HMCN1: variants seen among roughly 807,000 people sequenced by gnomAD.
HMCN1 encodes hemicentin-1.
Under a neutral mutation model 625.9 loss-of-function variants are expected in HMCN1, and 321 were observed. The ratio of observed to expected loss-of-function variants is 0.51; its 90% CI spans 0.47 to 0.56. The LOEUF is 0.56. Ranked by LOEUF, HMCN1 falls within the 20% of genes least tolerant of loss-of-function variation. The pLI, the probability that HMCN1 is intolerant of heterozygous loss-of-function variation, is 0.00. For synonymous variants in HMCN1, 2,425 were observed against 2,417.6 expected, an observed-to-expected ratio of 1.00 and a Z score of -0.09; for missense variants, 6,588 against 6,887.3, an observed-to-expected ratio of 0.96 and a Z score of 1.54.
At chr1:185,748,883 G>A (rs1425560339) in intron 1 of HMCN1, among the ~76,000 whole-genome samples, 1 of 152,206 alleles carries the variant, frequency 6.6e-6, no homozygotes, top group Non-Finnish European at 1.5e-5. Flanking sequence ...ACTTGACCTA[G>A]AGTCAAAACA....
Position 186,038,906 on chromosome 1 carries a change from G to C in HMCN1, c.5929G>C (p.Asp1977His). 6.2e-7 allele frequency: 1 copy of C among 1,603,874 alleles called. No homozygotes were observed. The highest frequency in any genetic ancestry group is 2.2e-5 in the East Asian group (1 of 44,794). Residue 1977 changes from aspartate to histidine, a missense_variant, in exon 38 of 107, where the codon GAT (aspartate) becomes CAT (histidine). Transcript: ENST00000271588. ...TTTCTTGAACAGAGGACAGATCATT[G>C]ATATTGAAAGTGCCCAGATCTCAGA... is the stretch of plus-strand genomic sequence containing the variant. The part of the protein sequence containing the change: ...MTFLNRGQII[D>H]IESAQISDAG...
intron 4 of HMCN1, among the ~76,000 whole-genome samples, chr1:185,868,512 C>T (rs1663414456): frequency 6.6e-6 from 1 of 152,086 alleles, no homozygotes; most frequent in Non-Finnish European, 1.5e-5. Flanking sequence ...TTATAAGGGG[C>T]CTTTCCCTGC....
chr1:185,778,591 C>T (rs532537491), intron 1 of HMCN1, among the ~76,000 whole-genome samples: 118 of 148,268 alleles, frequency 8.0e-4, no homozygotes, highest in African/African-American at 2.8e-3. Flanking sequence ...TGAGAATATG[C>T]GGTGTTTGGT....
intron 4 of HMCN1, among the ~76,000 whole-genome samples, chr1:185,874,481 T>C (rs1663812214): frequency 6.6e-6 from 1 of 152,016 alleles, no homozygotes; most frequent in Admixed American, 6.6e-5. Flanking sequence ...GGTTTCCTTA[T>C]GCATTCCAAG....
Position 186,087,297 on chromosome 1 carries a change from G to A in HMCN1, c.9127G>A (p.Glu3043Lys), listed in dbSNP as rs747230633. The A allele has an allele frequency of 2.7e-5, 44 of 1,613,024 alleles. No homozygotes were observed. The highest frequency in any genetic ancestry group is 1.0e-4 in the Admixed American group (6 of 59,874). The change falls in exon 59 of 107, where the codon GAA (glutamate) becomes AAA (lysine). Residue 3043 changes from glutamate to lysine, a missense_variant. By Grantham distance (56) the Glu-to-Lys change is moderately conservative (BLOSUM62 1). Coordinates refer to ENST00000271588, the MANE Select transcript of HMCN1 (RefSeq NM_031935.3). ...YTCIAINQAG[E>K]SKKKFSLTVY... Reference sequence around the variant, plus strand: ...TTGTATAGCTATCAATCAAGCTGGCGAAAGCAAGAAAAAGTTTTCCCTGAC... The same window carrying A: ...TTGTATAGCTATCAATCAAGCTGGCAAAAGCAAGAAAAAGTTTTCCCTGAC...
intron 4 of HMCN1, among the ~76,000 whole-genome samples, chr1:185,906,956 T>C (rs1571539855): frequency 7.6e-6 from 1 of 132,314 alleles, no homozygotes; most frequent in Non-Finnish European, 1.5e-5. Context: ...TTTCTATTTT[T>C]TTTTTTTTTT....
intron 1 of HMCN1, among the ~76,000 whole-genome samples, chr1:185,818,271 G>A (rs1404262207): frequency 6.6e-6 from 1 of 152,096 alleles, no homozygotes; most frequent in Non-Finnish European, 1.5e-5. Context: ...GACAGTGTGG[G>A]CTTATCACAT....
chr1:186,140,564 T>C (rs1159074813), intron 89 of HMCN1, among the ~76,000 whole-genome samples: 3 of 152,214 alleles, frequency 2.0e-5, no homozygotes, highest in African/African-American at 7.2e-5. Context: ...TGTCTGTCAT[T>C]GTATAGTTAC....
chr1:186,019,597 C>A lies in HMCN1; in HGVS notation c.5527C>A (p.Pro1843Thr), dbSNP rs1654585756. The change falls in exon 35 of 107, where the codon CCT becomes ACT. Residue 1843 changes from proline to threonine, a missense_variant. By Grantham distance (38) the Pro-to-Thr change is conservative. Around this residue, in one of 3 missense-constraint regions of HMCN1, gnomAD observed 4,628 missense variants for 4,853.1 expected, o/e 0.95. Transcript: ENST00000271588. Reference sequence around the variant, plus strand: ...TGAGAGAGTTGTGGTAAAATACAAGCCTGTCGCCTTGCAGTGCATAGCCAA... The same window carrying A: ...TGAGAGAGTTGTGGTAAAATACAAGACTGTCGCCTTGCAGTGCATAGCCAA... ...LSERVVVKYK[P>T]VALQCIANGI... 6.2e-7 allele frequency: 1 copy of A among 1,610,010 alleles called. No homozygotes were observed. Among genetic ancestry groups the A allele is most frequent in the Admixed American group, 1.7e-5 (1 of 59,906 alleles).
chr1:186,008,552 A>C (rs74134282), intron 30 of HMCN1, among the ~76,000 whole-genome samples: 4,203 of 152,190 alleles, frequency 0.028, 190 homozygotes, highest in African/African-American at 0.096. Context: ...ATTTCTATTG[A>C]ACAACACTGG....
chr1:185,984,394 C>T (rs1490299101), intron 19 of HMCN1, 81 bp downstream of exon 19: 1 of 1,289,240 alleles, frequency 7.8e-7, no homozygotes. Flanking sequence ...TAACTCTGTT[C>T]CTCTAATTAC....
At chr1:185,796,056 A>G (rs527262463) in intron 1 of HMCN1, among the ~76,000 whole-genome samples, 1 of 152,348 alleles carries the variant, frequency 6.6e-6, no homozygotes, top group East Asian at 1.9e-4. Flanking sequence ...TCACCTGAAT[A>G]GTGTACATCA....
At chr1:186,162,855 G>A (rs186714293) in intron 97 of HMCN1, among the ~76,000 whole-genome samples, 2 of 152,204 alleles carry the variant, frequency 1.3e-5, no homozygotes, top group Admixed American at 1.3e-4. Context: ...GGCTGCTCAG[G>A]GGTCAGGGAC....
At chr1:186,151,484 C>T in intron 94 of HMCN1, 122 bp from the exon 95 acceptor site, 1 of 1,258,456 alleles carries the variant, frequency 7.9e-7, no homozygotes, top group Non-Finnish European at 1.1e-6. Context: ...ACATGAGGTA[C>T]TGGTATTTGT....
intron 4 of HMCN1, among the ~76,000 whole-genome samples, chr1:185,883,255 T>C (rs562668151): frequency 7.9e-5 from 12 of 152,128 alleles, no homozygotes; most frequent in Non-Finnish European, 1.8e-4. Flanking sequence ...CAAAATACTT[T>C]CTACCAGTAT....
rs1028143872 is a variant in HMCN1, at chr1:185,892,437, T to C, written c.622-16900T>C. 1.1e-4 allele frequency among the ~76,000 whole-genome samples: 17 copies of C among 151,936 alleles called. No individual in the cohort carries two copies. In the East Asian group the frequency reaches 2.3e-3, roughly 21 times the overall value. ...CTGTTCTGTTTTTTCCCCATCTTTG[T>C]GGTTTTATCTACTTTTGGTCTTTGA... is the stretch of plus-strand genomic sequence containing the variant. On this transcript the variant is annotated intron_variant, in intron 4 of 106. Coordinates refer to ENST00000271588, the MANE Select transcript of HMCN1 (RefSeq NM_031935.3).
intron 6 of HMCN1, among the ~76,000 whole-genome samples, chr1:185,920,955 T>C (rs1469777561): frequency 6.6e-6 from 1 of 152,220 alleles, no homozygotes; most frequent in African/African-American, 2.4e-5. Context: ...TAGTAGGTGA[T>C]AGTGTCTTCA....
chr1:185,797,858 T>C (rs920389084), intron 1 of HMCN1, among the ~76,000 whole-genome samples: 1 of 131,946 alleles, frequency 7.6e-6, no homozygotes, highest in Non-Finnish European at 1.5e-5. Context: ...CCCAGCTACT[T>C]GGGAGGCTGA....
intron 1 of HMCN1, among the ~76,000 whole-genome samples, chr1:185,827,595 AT>A (rs1214424423): frequency 6.6e-6 from 1 of 152,134 alleles, no homozygotes; most frequent in Non-Finnish European, 1.5e-5. Context: ...GTTTTAAAAG[AT>A]TAGACAGAAA....
Sources: allele counts gnomAD v4.1 joint callset (sites outside exome capture counted in the v4.1 genomes callset), GRCh38; gene constraint gnomAD v4.1.1; regional missense constraint gnomAD v4.1.1; transcripts MANE v1.5; gene names NCBI Gene and HGNC (gene_info 2026-07-23, HGNC 2026-07-21).